Variants in SDC3 observed in about 807,000 individuals in gnomAD.
The protein encoded by SDC3 is syndecan 3, also known as syndecan-3.
A neutral mutation model predicts 24.4 loss-of-function variants in SDC3; 13 were observed. That is an observed-to-expected ratio of 0.53 (90% CI 0.35 to 0.85). The LOEUF is 0.85. SDC3 is among the 40% of genes least tolerant of loss of function. SDC3 has a pLI of 0.01. For synonymous variants in SDC3, 295 were observed against 260.9 expected (o/e 1.13, Z -1.26); for missense variants, 571 against 584.5 (o/e 0.98, Z 0.24).
At chr1:30,900,755 G>A (rs748485961) in intron 1 of SDC3, among the ~76,000 whole-genome samples, 27 of 152,126 alleles carry the variant, frequency 1.8e-4, no homozygotes, top group Non-Finnish European at 7.3e-5. Context: ...CCCAGATCCC[G>A]CTGGTGATTG....
chr1:30,879,239 C>T (rs1218089427), intron 1 of SDC3, among the ~76,000 whole-genome samples: 1 of 152,082 alleles, frequency 6.6e-6, no homozygotes, highest in East Asian at 1.9e-4. Flanking sequence ...TTCATATCCC[C>T]AGCCTCAACC....
chr1:30,898,104 C>A (rs1166383081), intron 1 of SDC3, among the ~76,000 whole-genome samples: 1 of 151,968 alleles, frequency 6.6e-6, no homozygotes, highest in Non-Finnish European at 1.5e-5. Flanking sequence ...GGCCAGACAC[C>A]CACCAGGTAC....
intron 1 of SDC3, among the ~76,000 whole-genome samples, chr1:30,885,353 A>G (rs932399066): frequency 2.6e-5 from 4 of 152,256 alleles, no homozygotes; most frequent in Non-Finnish European, 5.9e-5. Context: ...CAAATGCTGC[A>G]TTATAACTAA....
At chr1:30,896,909 A>G (rs946317327) in intron 1 of SDC3, among the ~76,000 whole-genome samples, 2 of 152,136 alleles carry the variant, frequency 1.3e-5, no homozygotes, top group African/African-American at 4.8e-5. Flanking sequence ...GTTGCAGTGA[A>G]CCAAGATCAC....
chr1:30,900,000 G>C (rs948370669), intron 1 of SDC3, among the ~76,000 whole-genome samples: 1 of 152,202 alleles, frequency 6.6e-6, no homozygotes, highest in South Asian at 2.1e-4. Context: ...GGAAAAGAAA[G>C]AGATCAAAAT....
At chr1:30,886,075 C>G (rs1230064477) in intron 1 of SDC3, among the ~76,000 whole-genome samples, 2 of 152,120 alleles carry the variant, frequency 1.3e-5, no homozygotes, top group African/African-American at 4.8e-5. Context: ...GGCCCCGTTT[C>G]CAGACCCAGC....
At chr1:30,892,447 G>T (rs1341563273) in intron 1 of SDC3, among the ~76,000 whole-genome samples, 1 of 101,706 alleles carries the variant, frequency 9.8e-6, no homozygotes, top group Non-Finnish European at 1.9e-5. Context: ...CCCAGGGAAT[G>T]AATGAATGAA....
chr1:30,909,319 G>T (rs1638604724), upstream of SDC3, among the ~76,000 whole-genome samples: 1 of 152,146 alleles, frequency 6.6e-6, no homozygotes, highest in Non-Finnish European at 1.5e-5. Flanking sequence ...TCTCCCCAGG[G>T]GACCATGGGG....
rs562798254 is a variant in SDC3 at position 30,887,947 on chromosome 1, T to G, written c.139-9207A>C. On this transcript the variant is annotated intron_variant, in intron 1 of 4. Coordinates refer to ENST00000339394, the MANE Select transcript of SDC3 (RefSeq NM_014654.4). Reference sequence around the variant, plus strand: ...CCCTCCAAAATCCAGCCAGGAGGACTCCAAGTGAGCTGGGAGGAGGGAAGA... The same window carrying G: ...CCCTCCAAAATCCAGCCAGGAGGACGCCAAGTGAGCTGGGAGGAGGGAAGA... Among the ~76,000 whole-genome samples, 220 of 152,330 alleles carry G rather than the reference T, an allele frequency of 1.4e-3. 2 individuals are homozygous for G. Among genetic ancestry groups the G allele is most frequent in the Admixed American group, 3.0e-3 (46 of 15,300 alleles).
At chr1:30,900,879 C>T (rs775190487) in intron 1 of SDC3, among the ~76,000 whole-genome samples, 8 of 152,038 alleles carry the variant, frequency 5.3e-5, no homozygotes, top group Non-Finnish European at 8.8e-5. Flanking sequence ...CTAGGGTCGC[C>T]TGGGCCAAGG....
chr1:30,899,437 C>A (rs1427808382), intron 1 of SDC3, among the ~76,000 whole-genome samples: 6 of 152,122 alleles, frequency 3.9e-5, no homozygotes, highest in Non-Finnish European at 8.8e-5. Context: ...TGCAGTGATG[C>A]GATCTCGGCT....
chr1:30,887,600 G>A (rs870325), intron 1 of SDC3, among the ~76,000 whole-genome samples: 7,656 of 152,114 alleles, frequency 0.05, 683 homozygotes, highest in African/African-American at 0.17. Context: ...GTCCTCAATC[G>A]CTTACCACTG....
rs1197468905 is a variant in SDC3 at position 30,877,098 on chromosome 1, G to A, written c.324C>T (p.Ser108=). Residue 108 remains serine (S), a synonymous_variant, in exon 3 of 5, where the codon TCC becomes TCT. Transcript: ENST00000339394. Reference sequence around the variant, plus strand: ...TGGTGGGCAGCACCGCAGGTGTGGTGGACACCGCCAGGGCTACATCTGGGC... The same window carrying A: ...TGGTGGGCAGCACCGCAGGTGTGGTAGACACCGCCAGGGCTACATCTGGGC... ...RFSPDVALAV[S]TTPAVLPTTN... is the part of the protein sequence containing the mutation. 5 of 1,613,852 alleles carry A rather than the reference G, an allele frequency of 3.1e-6. No individual in the cohort carries two copies. The highest frequency in any genetic ancestry group is 2.7e-5 in the African/African-American group (2 of 74,900).
At chr1:30,905,722 G>T (rs1638506451) in intron 1 of SDC3, among the ~76,000 whole-genome samples, 1 of 152,078 alleles carries the variant, frequency 6.6e-6, no homozygotes, top group Non-Finnish European at 1.5e-5. Context: ...AAATGTTCAG[G>T]ATCCTCACAC....
chr1:30,872,814 C>T lies in SDC3; in HGVS notation c.*397G>A. Reference sequence around the variant, plus strand: ...TTTGTCCTGGAAACCAGCCTGAGTGCCTCTCTGCCCCAAAAAGGAGATCTC... The same window carrying T: ...TTTGTCCTGGAAACCAGCCTGAGTGTCTCTCTGCCCCAAAAAGGAGATCTC... On this transcript the variant is annotated 3_prime_UTR_variant, in exon 5 of 5. Transcript: ENST00000339394. 2 of 208,094 alleles carry T rather than the reference C, an allele frequency of 9.6e-6. No individual in the cohort carries two copies. The highest frequency in any genetic ancestry group is 1.9e-5 in the Non-Finnish European group (2 of 102,734). The allele number at this position is 208,094 out of a possible 1,614,324, so 12.9% of individuals were successfully genotyped here.
intron 1 of SDC3, 54 bp from the exon 2 acceptor site, chr1:30,878,794 G>T: frequency 1.3e-6 from 2 of 1,507,474 alleles, no homozygotes; most frequent in Non-Finnish European, 1.8e-6. Context: ...GGCAGCCTGG[G>T]TGAGCCCAGA....
At position 30,908,717 on chromosome 1, in the gene SDC3, C is replaced by T; in HGVS notation, c.-131G>A. ...CGACGCGCTCTAGGCTCGCGGGCTC[C>T]CGGCTCGGCCGCCCGGCTCCGCCTC... is the stretch of plus-strand genomic sequence containing the variant. On this transcript the variant is annotated 5_prime_UTR_variant, in exon 1 of 5. Transcript: ENST00000339394. The T allele has an allele frequency of 4.7e-6, 1 of 211,744 alleles. No homozygotes were observed. Among genetic ancestry groups the T allele is most frequent in the Non-Finnish European group, 7.9e-6 (1 of 125,864 alleles). The allele number at this position is 211,744 out of a possible 1,614,324, so 13.1% of individuals were successfully genotyped here. A position where few individuals can be genotyped will look rare whatever the true frequency, so the allele number is the denominator to read the frequency against.
At position 30,869,970 on chromosome 1, in the gene SDC3, C is replaced by G. The variant is rs1639504226; in HGVS notation, c.*3241G>C. ...GCTCTCAGATGGCAACTCCCAGGGC[C>G]CAGTCTCGATGCCTCTGTAAATCTG... is the stretch of plus-strand genomic sequence containing the variant. On this transcript the variant is annotated 3_prime_UTR_variant, in exon 5 of 5. Coordinates refer to ENST00000339394, the MANE Select transcript of SDC3 (RefSeq NM_014654.4). 5.0e-6 allele frequency: 2 copies of G among 398,274 alleles called. No homozygotes were observed. Among genetic ancestry groups the G allele is most frequent in the African/African-American group, 4.1e-5 (2 of 48,614 alleles). The allele number at this position is 398,274 out of a possible 1,614,324, so 24.7% of individuals were successfully genotyped here. A position where few individuals can be genotyped will look rare whatever the true frequency, so the allele number is the denominator to read the frequency against.
intron 1 of SDC3, among the ~76,000 whole-genome samples, chr1:30,902,436 G>A (rs1435663937): frequency 4.6e-5 from 7 of 152,222 alleles, no homozygotes; most frequent in Non-Finnish European, 1.0e-4. Flanking sequence ...GGGAGGCTGG[G>A]AGCCAAGGGG....
Sources: allele counts gnomAD v4.1 joint callset (sites outside exome capture counted in the v4.1 genomes callset), GRCh38; gene constraint gnomAD v4.1.1; transcripts MANE v1.5; gene names NCBI Gene and HGNC (gene_info 2026-07-23, HGNC 2026-07-21).